SLC71A1: variants seen among roughly 807,000 people sequenced by gnomAD.
SLC71A1 encodes solute carrier family 71 member 1.
chr1:100,068,237 T>C, the SLC71A1 span: 1 of 1,438,480 alleles, frequency 7.0e-7, no homozygotes, highest in African/African-American at 1.4e-5. Flanking sequence ...AAAAAGTGCA[T>C]GATTCAGTGC....
At chr1:100,038,380 C>G in the SLC71A1 span, 1 of 1,306,910 alleles carries the variant, frequency 7.7e-7, no homozygotes, top group Non-Finnish European at 1.1e-6. Context: ...CCTTCAGACC[C>G]CCACACTGCC....
At chr1:100,049,097 T>C in the SLC71A1 span, among the ~76,000 whole-genome samples, 5 of 152,222 alleles carry the variant, frequency 3.3e-5, no homozygotes, top group Non-Finnish European at 7.3e-5. Flanking sequence ...ATAGCTTCCT[T>C]TTAGATGCGC....
At chr1:100,051,816 G>C in the SLC71A1 span, among the ~76,000 whole-genome samples, 2 of 152,152 alleles carry the variant, frequency 1.3e-5, no homozygotes, top group Admixed American at 1.3e-4. Context: ...TATTATGATG[G>C]ATCTAGGCAC....
At chr1:100,081,427 A>G in the SLC71A1 span, among the ~76,000 whole-genome samples, 1 of 152,228 alleles carries the variant, frequency 6.6e-6, no homozygotes. Flanking sequence ...GCTGGAATGC[A>G]GTGGCACAAT....
chr1:100,080,558 T>C, the SLC71A1 span: 1 of 1,614,012 alleles, frequency 6.2e-7, no homozygotes, highest in Non-Finnish European at 8.5e-7. Flanking sequence ...ACCGGCCCTC[T>C]ATGGATTCAT....
chr1:100,038,712 C>T, the SLC71A1 span, among the ~76,000 whole-genome samples: 13,941 of 152,230 alleles, frequency 0.092, 1,153 homozygotes, highest in African/African-American at 0.22. Flanking sequence ...GAGCCGTCGC[C>T]GCGCTTGTCA....
At chr1:100,064,920 C>T in the SLC71A1 span, among the ~76,000 whole-genome samples, 1 of 152,044 alleles carries the variant, frequency 6.6e-6, no homozygotes, top group African/African-American at 2.4e-5. Flanking sequence ...GGGTCTCACT[C>T]TATTGCCCAG....
the SLC71A1 span, chr1:100,058,856 T>C: frequency 2.0e-6 from 1 of 494,434 alleles, no homozygotes; most frequent in South Asian, 3.6e-5. Flanking sequence ...AATAACTTAA[T>C]TTTTATAATT....
chr1:100,039,469 T>C, the SLC71A1 span, among the ~76,000 whole-genome samples: 4 of 152,348 alleles, frequency 2.6e-5, no homozygotes, highest in East Asian at 1.9e-4. Context: ...TTGAGACATA[T>C]GTAATGACTT....
At chr1:100,062,644 G>T in the SLC71A1 span, among the ~76,000 whole-genome samples, 33,360 of 151,946 alleles carry the variant, frequency 0.22, 5,046 homozygotes, top group African/African-American at 0.43. Flanking sequence ...CAAATACCTT[G>T]TGATAAATAA....
chr1:100,056,588 C>T, the SLC71A1 span, among the ~76,000 whole-genome samples: 853 of 152,162 alleles, frequency 5.6e-3, 2 homozygotes, highest in Non-Finnish European at 9.1e-3. Context: ...CCAGCCTGGG[C>T]GACAAGAGCC....
chr1:100,082,427 C>T, the SLC71A1 span: 6 of 552,232 alleles, frequency 1.1e-5, no homozygotes, highest in African/African-American at 1.9e-5. Context: ...TGTTTATTAG[C>T]ACCAATTTCT....
chr1:100,040,859 G>A, the SLC71A1 span, among the ~76,000 whole-genome samples: 15,953 of 152,154 alleles, frequency 0.1, 1,348 homozygotes, highest in African/African-American at 0.23. Context: ...TGCTATTGCT[G>A]TTGACCTCAG....
chr1:100,060,721 G>A, the SLC71A1 span, among the ~76,000 whole-genome samples: 17 of 151,572 alleles, frequency 1.1e-4, no homozygotes, highest in Non-Finnish European at 2.9e-5. Context: ...CAAGAGTCTG[G>A]ACTCAAGGCC....
chr1:100,083,158 G>A, the SLC71A1 span: 1 of 152,372 alleles, frequency 6.6e-6, no homozygotes, highest in East Asian at 1.9e-4. Flanking sequence ...TTTCTCTAAA[G>A]TGTATATTTT....
At chr1:100,038,102 G>C in the SLC71A1 span, 3 of 765,354 alleles carry the variant, frequency 3.9e-6, no homozygotes, top group Admixed American at 4.4e-5. Flanking sequence ...GCCGGAGGCA[G>C]GCCGGGCCCT....
the SLC71A1 span, among the ~76,000 whole-genome samples, chr1:100,047,495 T>C: frequency 6.6e-6 from 1 of 152,248 alleles, no homozygotes; most frequent in South Asian, 2.1e-4. Flanking sequence ...CAATCTTGGC[T>C]CACCGCAACT....
At chr1:100,061,286 A>G in the SLC71A1 span, among the ~76,000 whole-genome samples, 1 of 152,218 alleles carries the variant, frequency 6.6e-6, no homozygotes, top group Non-Finnish European at 1.5e-5. Context: ...GTAACTGTCT[A>G]TTCTCAGTTT....
At chr1:100,043,162 G>A in the SLC71A1 span, 1 of 981,976 alleles carries the variant, frequency 1.0e-6, no homozygotes, top group Non-Finnish European at 1.2e-6. Flanking sequence ...TCCTACAGTT[G>A]AAATGTAACT....
Sources: allele counts gnomAD v4.1 joint callset (sites outside exome capture counted in the v4.1 genomes callset), GRCh38; gene constraint gnomAD v4.1.1; transcripts MANE v1.5; gene names NCBI Gene and HGNC (gene_info 2026-07-23, HGNC 2026-07-21).